Variants in ARPC2 observed in about 807,000 individuals in gnomAD.
ARPC2 encodes actin related protein 2/3 complex subunit 2.
ARPC2 carries 4 observed loss-of-function variants against 38.6 expected under a neutral mutation model. The observed-to-expected ratio is 0.10, with a 90% CI of 0.05 to 0.24. The LOEUF (loss-of-function observed/expected upper bound fraction) is 0.24. ARPC2 is among the 10% of genes least tolerant of loss of function. The pLI is 1.00. For synonymous variants in ARPC2, 125 were observed against 140.8 expected, an observed-to-expected ratio of 0.89 and a Z score of 0.79; for missense variants, 229 against 387.3, an observed-to-expected ratio of 0.59 and a Z score of 3.43.
Position 218,249,813 on chromosome 2 carries a change from G to T in ARPC2, c.778-8G>T. The T allele has an allele frequency of 6.2e-7, 1 of 1,611,114 alleles. No individual in the cohort carries two copies. Among genetic ancestry groups the T allele is most frequent in the African/African-American group, 1.3e-5 (1 of 74,952 alleles). Reference sequence around the variant, plus strand: ...CTGTGCTTTAGTACCTGTTATGTTTGTTCCCAGGCCTATATTCACACACGT... The same window carrying T: ...CTGTGCTTTAGTACCTGTTATGTTTTTTCCCAGGCCTATATTCACACACGT... On this transcript the variant is annotated splice_region_variant and splice_polypyrimidine_tract_variant and intron_variant, in intron 9 of 10. Coordinates refer to ENST00000315717, the MANE Select transcript of ARPC2 (RefSeq NM_152862.3).
chr2:218,245,410 G>A lies in ARPC2; in HGVS notation c.550-10G>A. On this transcript the variant is annotated splice_polypyrimidine_tract_variant and intron_variant, in intron 7 of 10. Coordinates refer to ENST00000315717, the MANE Select transcript of ARPC2 (RefSeq NM_152862.3). ...CTTCTCTTCTGGTTGCTTTTGCTTT[G>A]TCTTGGCAGGAGTTCAAAGAAGGAC... is the stretch of plus-strand genomic sequence containing the variant. The A allele has an allele frequency of 6.2e-7, 1 of 1,613,894 alleles. No homozygotes were observed. Among genetic ancestry groups the A allele is most frequent in the Non-Finnish European group, 8.5e-7 (1 of 1,179,956 alleles).
chr2:218,240,590 T>C (rs1689888842), intron 7 of ARPC2, among the ~76,000 whole-genome samples: 1 of 152,072 alleles, frequency 6.6e-6, no homozygotes, highest in Admixed American at 6.6e-5. Context: ...AAGAAGCTCA[T>C]CTTAAGAAGA....
intron 10 of ARPC2, among the ~76,000 whole-genome samples, chr2:218,253,512 G>A (rs1690244001): frequency 6.6e-6 from 1 of 152,238 alleles, no homozygotes; most frequent in South Asian, 2.1e-4. Context: ...GGTATACACT[G>A]TGTAGGAGGA....
chr2:218,247,740 G>A (rs903632693), intron 8 of ARPC2, among the ~76,000 whole-genome samples: 5 of 152,002 alleles, frequency 3.3e-5, no homozygotes, highest in South Asian at 2.1e-4. Context: ...TCAGGAGATC[G>A]AGACCATCCT....
rs573373344 is a variant in ARPC2, at chr2:218,234,304, T to C, written c.223-48T>C. 16 of 1,409,496 alleles carry C rather than the reference T, an allele frequency of 1.1e-5. No homozygotes were observed. The African/African-American group carries it at 2.2e-4, about 19-fold the overall frequency. The allele number at this position is 1,409,496 out of a possible 1,614,324, so 87.3% of individuals were successfully genotyped here. A position where few individuals can be genotyped will look rare whatever the true frequency, so the allele number is the denominator to read the frequency against. ...TACTTTAAAAATAATGAAATTATCA[T>C]GGCCTTTGGATTAACGTATTTGGTT... On this transcript the variant is annotated intron_variant, in intron 4 of 10. Transcript: ENST00000315717.
At chr2:218,238,060 T>C (rs910953511) in intron 5 of ARPC2, among the ~76,000 whole-genome samples, 9 of 152,214 alleles carry the variant, frequency 5.9e-5, no homozygotes, top group African/African-American at 1.4e-4. Context: ...GGAGATCAAA[T>C]GAAGTAAAAT....
intron 10 of ARPC2, chr2:218,252,823 G>A (rs1190966351): frequency 2.2e-6 from 1 of 447,958 alleles, no homozygotes; most frequent in African/African-American, 2.0e-5. Context: ...GTAGCGGGCA[G>A]GGATAGCTCC....
chr2:218,250,069 T>G, intron 10 of ARPC2, 148 bp downstream of exon 10: 1 of 653,392 alleles, frequency 1.5e-6, no homozygotes, highest in Non-Finnish European at 2.6e-6. Flanking sequence ...AAAGGTGGGA[T>G]TCCATGTTCT....
Position 218,217,484 on chromosome 2 carries a change from A to G in ARPC2, c.14A>G (p.Glu5Gly). ...GCAGCCGCCGCCATGATCCTGCTGG[A>G]GGTGAACAACCGCATCATCGAGGAG... is the stretch of plus-strand genomic sequence containing the variant. MILL[E>G]VNNRIIEETL... is the part of the protein sequence containing the mutation. Residue 5 changes from glutamate to glycine, a missense_variant, in exon 2 of 11, where the codon GAG becomes GGG. Around this residue, in one of 3 missense-constraint regions of ARPC2, gnomAD observed 135 missense variants for 214.1 expected, o/e 0.63. Coordinates refer to ENST00000315717, the MANE Select transcript of ARPC2 (RefSeq NM_152862.3). The G allele has an allele frequency of 6.2e-7, 1 of 1,613,792 alleles. No individual in the cohort carries two copies. The highest frequency in any genetic ancestry group is 8.5e-7 in the Non-Finnish European group (1 of 1,179,810).
chr2:218,238,622 T>G, intron 5 of ARPC2, 42 bp from the exon 6 acceptor site: 15 of 960,346 alleles, frequency 1.6e-5, no homozygotes, highest in Non-Finnish European at 2.1e-5. Context: ...TAAATGTAAC[T>G]GCTGGGTTGT....
At chr2:218,247,970 A>G (rs1394392089) in intron 8 of ARPC2, among the ~76,000 whole-genome samples, 6 of 149,326 alleles carry the variant, frequency 4.0e-5, no homozygotes, top group Non-Finnish European at 5.9e-5. Context: ...AAAAAAAGAA[A>G]CAGGGTTTCC....
intron 9 of ARPC2, 116 bp from the exon 10 acceptor site, chr2:218,249,705 G>C (rs766358679): frequency 2.0e-6 from 2 of 1,013,602 alleles, no homozygotes; most frequent in Non-Finnish European, 2.9e-6. Flanking sequence ...GCAGGGCCTG[G>C]GTCAATCCCA....
At chr2:218,242,917 G>A (rs1456284746) in intron 7 of ARPC2, among the ~76,000 whole-genome samples, 10 of 152,112 alleles carry the variant, frequency 6.6e-5, no homozygotes, top group East Asian at 1.9e-4. Flanking sequence ...TCATTGGACC[G>A]TGTTTTGTGG....
At chr2:218,242,056 T>C (rs1689928991) in intron 7 of ARPC2, among the ~76,000 whole-genome samples, 1 of 152,272 alleles carries the variant, frequency 6.6e-6, no homozygotes, top group Non-Finnish European at 1.5e-5. Flanking sequence ...GTCACTAGTC[T>C]ACTTGTTGCC....
chr2:218,231,855 G>A (rs1464611941), intron 4 of ARPC2, among the ~76,000 whole-genome samples: 1 of 152,210 alleles, frequency 6.6e-6, no homozygotes, highest in Non-Finnish European at 1.5e-5. Flanking sequence ...TGTAATCCCA[G>A]CACTTTTGGA....
chr2:218,221,678 A>T lies in ARPC2; in HGVS notation c.74+4134A>T, dbSNP rs764353824. Among the ~76,000 whole-genome samples, 68 of 152,246 alleles carry T rather than the reference A, an allele frequency of 4.5e-4. 3 individuals carry two copies. Among genetic ancestry groups the T allele is most frequent in the Non-Finnish European group, 1.6e-4 (11 of 68,048 alleles). On this transcript the variant is annotated intron_variant, in intron 2 of 10. Transcript: ENST00000315717. ...GTAAATTGGTTTATTGAAGAAATTAATGAAGCCAGATAGAATGATTCCTTG... is the reference window on the plus strand; with the variant it reads ...GTAAATTGGTTTATTGAAGAAATTATTGAAGCCAGATAGAATGATTCCTTG...
chr2:218,218,947 T>C (rs1347555502), intron 2 of ARPC2, among the ~76,000 whole-genome samples: 5 of 152,232 alleles, frequency 3.3e-5, no homozygotes, highest in African/African-American at 1.2e-4. Flanking sequence ...TTTCTTTGCA[T>C]TTTAAATATT....
chr2:218,245,499 A>G lies in ARPC2; in HGVS notation c.629A>G (p.Lys210Arg). The G allele has an allele frequency of 6.2e-7, 1 of 1,614,202 alleles. No homozygotes were observed. The highest frequency in any genetic ancestry group is 8.5e-7 in the Non-Finnish European group (1 of 1,180,036). The change falls in exon 8 of 11, where the codon AAA (lysine) becomes AGA (arginine). Residue 210 changes from lysine to arginine, a missense_variant. Physicochemically the swap from Lys to Arg is conservative, Grantham distance 26 (BLOSUM62 2). Transcript: ENST00000315717. Reference protein sequence around the residue: ...FSHREPPLELKDTDAAVGDNI... With the variant: ...FSHREPPLELRDTDAAVGDNI... The stretch of plus-strand genomic sequence containing the variant: ...CACAGGGAACCTCCTCTGGAGCTGA[A>G]AGACACAGACGCCGCTGTGGGTGAC...
intron 2 of ARPC2, 79 bp downstream of exon 2, chr2:218,217,623 C>T: frequency 7.1e-7 from 1 of 1,412,992 alleles, no homozygotes; most frequent in Admixed American, 2.0e-5. Flanking sequence ...TCCAGTCCCC[C>T]AGACCTGGAG....
Sources: allele counts gnomAD v4.1 joint callset (sites outside exome capture counted in the v4.1 genomes callset), GRCh38; gene constraint gnomAD v4.1.1; regional missense constraint gnomAD v4.1.1; transcripts MANE v1.5; gene names NCBI Gene and HGNC (gene_info 2026-07-23, HGNC 2026-07-21).